The following IQCJ variants were observed in gnomAD, a reference collection of about 807,000 sequenced individuals.
The protein encoded by IQCJ is IQ domain-containing protein J.
A neutral mutation model predicts 11.0 loss-of-function variants in IQCJ; 9 were observed. The observed-to-expected ratio is 0.82, with a 90% confidence interval of 0.49 to 1.43. The LOEUF (loss-of-function observed/expected upper bound fraction) is 1.43, where lower values mean the gene tolerates loss of function less well. IQCJ is among the 40% of genes most tolerant of loss of function. The pLI is 0.00. For synonymous variants in IQCJ, 55 were observed against 51.3 expected (o/e 1.07, Z -0.31); for missense variants, 146 against 133.2 (o/e 1.10, Z -0.47).
chr3:159,071,999 A>G (rs1402655997), intron 1 of IQCJ, among the ~76,000 whole-genome samples: 1 of 152,242 alleles, frequency 6.6e-6, no homozygotes, highest in South Asian at 2.1e-4. Context: ...AGCTGAAAAT[A>G]TTCATCCTTT....
chr3:159,112,128 C>T (rs1207359226), intron 1 of IQCJ, among the ~76,000 whole-genome samples: 2 of 152,170 alleles, frequency 1.3e-5, no homozygotes, highest in Admixed American at 6.5e-5. Context: ...GATATGAGGA[C>T]AGCCCTTGGG....
chr3:159,259,925 T>C (rs1429901667), intron 3 of IQCJ, among the ~76,000 whole-genome samples: 1 of 152,184 alleles, frequency 6.6e-6, no homozygotes, highest in Admixed American at 6.5e-5. Context: ...AATAAATTGT[T>C]TTCACATATG....
intron 1 of IQCJ, among the ~76,000 whole-genome samples, chr3:159,091,676 A>G (rs57129558): frequency 0.024 from 1,508 of 62,438 alleles, 73 homozygotes; most frequent in African/African-American, 0.1. Context: ...ACACGCATGC[A>G]CACACACACA....
chr3:159,234,923 C>T (rs1257623336), intron 1 of IQCJ, among the ~76,000 whole-genome samples: 4 of 152,164 alleles, frequency 2.6e-5, no homozygotes, highest in Admixed American at 2.6e-4. Flanking sequence ...GTGTTTGCTA[C>T]ACTACAACAA....
At chr3:159,083,135 T>C (rs976436941) in intron 1 of IQCJ, among the ~76,000 whole-genome samples, 5 of 151,850 alleles carry the variant, frequency 3.3e-5, no homozygotes, top group Non-Finnish European at 5.9e-5. Context: ...TTAAAAACTT[T>C]TGTTCTGTGA....
At chr3:159,219,525 A>G (rs1239244803) in intron 1 of IQCJ, among the ~76,000 whole-genome samples, 1 of 152,158 alleles carries the variant, frequency 6.6e-6, no homozygotes, top group African/African-American at 2.4e-5. Flanking sequence ...AGACCATTTG[A>G]TGTTCAGAAG....
At chr3:159,227,601 AG>A (rs1349903708) in intron 1 of IQCJ, among the ~76,000 whole-genome samples, 1 of 152,200 alleles carries the variant, frequency 6.6e-6, no homozygotes, top group Non-Finnish European at 1.5e-5. Flanking sequence ...GAAAGTAGCC[AG>A]GTCTGGAATG....
intron 1 of IQCJ, among the ~76,000 whole-genome samples, chr3:159,160,565 G>T (rs1049014186): frequency 2.0e-5 from 3 of 151,184 alleles, no homozygotes; most frequent in African/African-American, 7.3e-5. Context: ...AAGTTTTAGG[G>T]TACATGTGCA....
intron 1 of IQCJ, among the ~76,000 whole-genome samples, chr3:159,080,694 G>A (rs535007989): frequency 1.5e-3 from 234 of 152,246 alleles, no homozygotes; most frequent in Middle Eastern, 6.8e-3. Flanking sequence ...AGGTATTGCC[G>A]TAGGCATTTT....
intron 1 of IQCJ, among the ~76,000 whole-genome samples, chr3:159,156,140 A>G (rs74956728): frequency 0.029 from 4,415 of 152,314 alleles, 208 homozygotes; most frequent in African/African-American, 0.1. Flanking sequence ...TCTAATCCCT[A>G]CATGTTTTCA....
intron 1 of IQCJ, among the ~76,000 whole-genome samples, chr3:159,151,825 C>T (rs750300171): frequency 5.3e-5 from 8 of 152,242 alleles, no homozygotes; most frequent in South Asian, 2.1e-4. Context: ...TTAGTAGAGA[C>T]GGGGTTTCAC....
chr3:159,261,758 G>A (rs779307171), intron 3 of IQCJ, among the ~76,000 whole-genome samples: 6 of 152,310 alleles, frequency 3.9e-5, no homozygotes, highest in South Asian at 2.1e-4. Context: ...AGAGGTTTCC[G>A]TTATCCTGAG....
intron 1 of IQCJ, among the ~76,000 whole-genome samples, chr3:159,197,078 ATTC>A (rs1447118085): frequency 2.0e-5 from 3 of 152,076 alleles, no homozygotes; most frequent in African/African-American, 7.2e-5. Context: ...TTGATCCTGA[ATTC>A]TTCTACTTCC....
At chr3:159,093,359 T>C (rs1300465904) in intron 1 of IQCJ, among the ~76,000 whole-genome samples, 4 of 151,934 alleles carry the variant, frequency 2.6e-5, no homozygotes, top group Non-Finnish European at 5.9e-5. Context: ...AGCTTTTATA[T>C]CACCACTTCC....
chr3:159,128,678 G>C (rs1719817585), intron 1 of IQCJ, among the ~76,000 whole-genome samples: 1 of 152,034 alleles, frequency 6.6e-6, no homozygotes, highest in Non-Finnish European at 1.5e-5. Context: ...AGTCCATCCT[G>C]CCTGTGTGGC....
chr3:159,161,403 T>C (rs758133932), intron 1 of IQCJ, among the ~76,000 whole-genome samples: 61 of 152,332 alleles, frequency 4.0e-4, no homozygotes, highest in Non-Finnish European at 3.1e-4. Flanking sequence ...TAAATTTGTT[T>C]GAGTTCATTG....
intron 1 of IQCJ, among the ~76,000 whole-genome samples, chr3:159,142,463 C>T (rs970070396): frequency 5.3e-5 from 8 of 151,540 alleles, no homozygotes; most frequent in Non-Finnish European, 1.2e-4. Context: ...GTCACCCAGG[C>T]TGGAGTGCAG....
intron 1 of IQCJ, among the ~76,000 whole-genome samples, chr3:159,126,099 G>A (rs17782879): frequency 0.25 from 38,465 of 152,086 alleles, 5,942 homozygotes; most frequent in South Asian, 0.4. Flanking sequence ...TCCAATATCC[G>A]TATCATTTAT....
intron 1 of IQCJ, among the ~76,000 whole-genome samples, chr3:159,095,565 C>T (rs1335007238): frequency 8.8e-6 from 1 of 113,428 alleles, no homozygotes. Context: ...CTTCCTGTGT[C>T]CATGTGATCT....
Sources: gnomAD v4.1 joint callset for allele counts (sites outside exome capture counted in the v4.1 genomes callset) on GRCh38, gnomAD v4.1.1 for gene constraint, MANE v1.5 for transcripts, NCBI Gene and HGNC (gene_info 2026-07-23, HGNC 2026-07-21) for gene names.